The following SLC4A4 variants were observed in gnomAD, a reference collection of about 807,000 sequenced individuals.
SLC4A4 encodes the protein solute carrier family 4 member 4.
Under a neutral mutation model 111.5 loss-of-function variants are expected in SLC4A4, and 27 were observed. The observed-to-expected ratio is 0.24, with a 90% CI of 0.18 to 0.33. SLC4A4 has a LOEUF of 0.33. Ranked by LOEUF, SLC4A4 falls within the 10% of genes least tolerant of loss-of-function variation. SLC4A4 has a pLI of 1.00. For synonymous variants in SLC4A4, 443 were observed against 463.4 expected, an observed-to-expected ratio of 0.96 and a Z score of 0.57; for missense variants, 909 against 1,315.5, an observed-to-expected ratio of 0.69 and a Z score of 4.78.
At chr4:71,083,317 T>C (rs1458433261) in intron 1 of SLC4A4, among the ~76,000 whole-genome samples, 1 of 151,962 alleles carries the variant, frequency 6.6e-6, no homozygotes, top group Non-Finnish European at 1.5e-5. Context: ...TTTTTTTCCA[T>C]GTTCATACAT....
intron 7 of SLC4A4, among the ~76,000 whole-genome samples, chr4:71,424,869 T>C (rs1416779050): frequency 6.6e-6 from 1 of 151,696 alleles, no homozygotes; most frequent in African/African-American, 2.4e-5. Context: ...AGGGATAGCA[T>C]TGGGAGATAT....
chr4:71,425,671 A>G (rs1030720190), intron 7 of SLC4A4, among the ~76,000 whole-genome samples: 1 of 152,112 alleles, frequency 6.6e-6, no homozygotes, highest in Non-Finnish European at 1.5e-5. Flanking sequence ...CCAGAAAGCA[A>G]GGAAAACTCA....
At chr4:71,493,909 C>A (rs565483424) in intron 15 of SLC4A4, among the ~76,000 whole-genome samples, 1 of 152,110 alleles carries the variant, frequency 6.6e-6, no homozygotes, top group Admixed American at 6.6e-5. Context: ...AATTTTTTCA[C>A]TCCCACGCAT....
intron 2 of SLC4A4, among the ~76,000 whole-genome samples, chr4:71,118,878 C>G (rs1004710588): frequency 7.9e-5 from 12 of 152,116 alleles, no homozygotes; most frequent in African/African-American, 2.9e-4. Context: ...GTTGGGAGAG[C>G]AGACAGTGAC....
At chr4:71,488,894 GT>G (rs1729653164) in intron 15 of SLC4A4, among the ~76,000 whole-genome samples, 3 of 145,862 alleles carry the variant, frequency 2.1e-5, no homozygotes, top group Admixed American at 1.4e-4. Context: ...AAAAATGTGT[GT>G]GTGTGTGTGT....
chr4:71,327,218 A>T (rs1727571435), intron 3 of SLC4A4, among the ~76,000 whole-genome samples: 1 of 152,038 alleles, frequency 6.6e-6, no homozygotes, highest in African/African-American at 2.4e-5. Flanking sequence ...CCTTTTGGTG[A>T]ATAATGAACC....
chr4:71,109,724 A>G lies in SLC4A4; in HGVS notation c.-2+16932A>G, dbSNP rs568027063. 9.9e-5 allele frequency among the ~76,000 whole-genome samples: 15 copies of G among 151,872 alleles called. No homozygotes were observed. The South Asian group carries it at 2.9e-3, about 30-fold the overall frequency. On this transcript the variant is annotated intron_variant, in intron 2 of 26. Transcript: ENST00000649996. ...CACCAGGCTACGTTTTGTATTTTTA[A>G]TAGAGATGGGTTTTCACTATGTTGG... is the stretch of plus-strand genomic sequence containing the variant.
chr4:71,085,116 A>G (rs1329383964), intron 1 of SLC4A4, among the ~76,000 whole-genome samples: 4 of 152,028 alleles, frequency 2.6e-5, no homozygotes. Flanking sequence ...GTGAGATGGT[A>G]TCTCATTGTG....
In SLC4A4 at chr4:71,533,827, CT is replaced by C. The variant is rs537885356; in HGVS notation, c.2281-399del. The stretch of plus-strand genomic sequence containing the variant: ...TTGGTAATTTCTTGCTACCTTTTTA[CT>C]GAATTTCTTGCTATCTTTTTACTTT... On this transcript the variant is annotated intron_variant, in intron 17 of 25. Coordinates refer to ENST00000264485, the MANE Select transcript of SLC4A4 (RefSeq NM_001098484.3). 1.2e-4 allele frequency among the ~76,000 whole-genome samples: 18 copies of C among 152,158 alleles called. No individual in the cohort carries two copies. In the South Asian group the frequency reaches 3.7e-3, roughly 32 times the overall value.
intron 7 of SLC4A4, among the ~76,000 whole-genome samples, chr4:71,417,787 T>C (rs1231931721): frequency 1.3e-5 from 2 of 152,214 alleles, no homozygotes; most frequent in Non-Finnish European, 2.9e-5. Context: ...AAGGCTCTGG[T>C]ATTTCAGGAA....
intron 7 of SLC4A4, among the ~76,000 whole-genome samples, chr4:71,404,320 G>A (rs1272937620): frequency 6.6e-6 from 1 of 152,166 alleles, no homozygotes; most frequent in Admixed American, 6.5e-5. Context: ...GGTTCAGAAA[G>A]GAGCATCAGG....
chr4:71,171,977 C>T (rs760915971), intron 2 of SLC4A4, among the ~76,000 whole-genome samples: 13 of 152,168 alleles, frequency 8.5e-5, no homozygotes, highest in Non-Finnish European at 1.9e-4. Context: ...CTACTTTGTT[C>T]TGTTTGTCTC....
intron 6 of SLC4A4, among the ~76,000 whole-genome samples, chr4:71,359,318 C>A (rs1238601205): frequency 6.6e-6 from 1 of 152,174 alleles, no homozygotes; most frequent in African/African-American, 2.4e-5. Flanking sequence ...CAGTTCTTTT[C>A]CAGCTCTTCA....
chr4:71,359,924 T>TA (rs1560439929), intron 6 of SLC4A4, among the ~76,000 whole-genome samples: 225 of 152,304 alleles, frequency 1.5e-3, no homozygotes, highest in African/African-American at 5.2e-3. Context: ...TAACTGAAAT[T>TA]TATAGAGATA....
chr4:71,293,131 G>T (rs536106978), intron 3 of SLC4A4, among the ~76,000 whole-genome samples: 5 of 150,076 alleles, frequency 3.3e-5, no homozygotes, highest in African/African-American at 1.2e-4. Flanking sequence ...GTGAGCCACC[G>T]CACCCGGCCT....
At chr4:71,227,852 T>A (rs1241554166) in intron 1 of SLC4A4, among the ~76,000 whole-genome samples, 3 of 152,212 alleles carry the variant, frequency 2.0e-5, no homozygotes, top group South Asian at 2.1e-4. Context: ...AGAAGGGAGC[T>A]TCTTTTTCCT....
rs1227887284 is a variant in SLC4A4 at position 71,443,110 on chromosome 4, CTCTCTCTATATATA to C, written c.965+2339_965+2352del. The stretch of plus-strand genomic sequence containing the variant: ...TCTCTCTCTCTCTCTCTCTCTCTCT[CTCTCTCTATATATA>C]TATATATATATATATATATATATAT... On this transcript the variant is annotated intron_variant, in intron 8 of 25. Transcript: ENST00000264485. Among the ~76,000 whole-genome samples, 6 of 101,022 alleles carry C rather than the reference CTCTCTCTATATATA, an allele frequency of 5.9e-5. No individual in the cohort carries two copies. The East Asian group carries it at 1.1e-3, about 18-fold the overall frequency. The allele number at this position is 101,022 out of a possible 152,430, so 66.3% of individuals were successfully genotyped here.
At chr4:71,515,575 A>C (rs1055808711) in intron 16 of SLC4A4, among the ~76,000 whole-genome samples, 23 of 152,170 alleles carry the variant, frequency 1.5e-4, no homozygotes, top group African/African-American at 4.1e-4. Flanking sequence ...ACGGGGTGTT[A>C]AAATCTTCTA....
intron 5 of SLC4A4, among the ~76,000 whole-genome samples, chr4:71,356,562 A>G (rs1261270070): frequency 6.6e-6 from 1 of 152,216 alleles, no homozygotes; most frequent in Non-Finnish European, 1.5e-5. Flanking sequence ...TACGTATAAC[A>G]TCACAGAAGA....
Sources: gnomAD v4.1 joint callset for allele counts (sites outside exome capture counted in the v4.1 genomes callset) on GRCh38, gnomAD v4.1.1 for gene constraint, MANE v1.5 for transcripts, NCBI Gene and HGNC (gene_info 2026-07-23, HGNC 2026-07-21) for gene names.